FANCA: variants seen among roughly 807,000 people sequenced by gnomAD.
The protein encoded by FANCA is FA complementation group A.
In FANCA, 236 loss-of-function variants were observed where a neutral mutation model predicts 194.3. The ratio of observed to expected loss-of-function variants is 1.21; its 90% CI spans 1.09 to 1.35. The LOEUF (loss-of-function observed/expected upper bound fraction) is 1.35. Among genes scored for constraint, FANCA ranks in the 40% most tolerant of loss-of-function variants. FANCA has a pLI of 0.00. For synonymous variants in FANCA, 1,014 were observed against 715.8 expected (o/e 1.42, Z -6.65); for missense variants, 2,628 against 1,813.9 (o/e 1.45, Z -8.15).
chr16:89,767,008 G>C, intron 27 of FANCA, 133 bp downstream of exon 27: 1 of 773,142 alleles, frequency 1.3e-6, no homozygotes, highest in Non-Finnish European at 2.3e-6. Flanking sequence ...GCTGCCCCAT[G>C]ACAGCCAGCC....
chr16:89,808,389 A>C, intron 5 of FANCA, 22 bp from the exon 6 acceptor site: 1 of 1,609,702 alleles, frequency 6.2e-7, no homozygotes, highest in Non-Finnish European at 8.5e-7. Context: ...AACAAAACAA[A>C]CAAAAACAAA....
In FANCA at chr16:89,814,708, C is replaced by T. The variant is rs749107451; in HGVS notation, c.190-95G>A. ...CTGTAATCCCAGTACTTTGGGAGGC[C>T]GAGATGGGCAGATCACGAGGTCAAG... On this transcript the variant is annotated intron_variant, in intron 2 of 42. Coordinates refer to ENST00000389301, the MANE Select transcript of FANCA (RefSeq NM_000135.4). The T allele has an allele frequency of 5.8e-5, 49 of 851,764 alleles. 1 individual carries two copies. The highest frequency in any genetic ancestry group is 3.0e-4 in the South Asian group (22 of 74,494). The allele number at this position is 851,764 out of a possible 1,614,324, so 52.8% of individuals were successfully genotyped here. A position where few individuals can be genotyped will look rare whatever the true frequency, so the allele number is the denominator to read the frequency against.
intron 12 of FANCA, 47 bp from the exon 13 acceptor site, chr16:89,792,115 T>C: frequency 6.2e-7 from 1 of 1,612,788 alleles, no homozygotes; most frequent in Non-Finnish European, 8.5e-7. Context: ...CAAACCAATG[T>C]GCGACAGATG....
intron 14 of FANCA, chr16:89,791,019 GTGTGTTTT>G (rs1355043840): frequency 2.8e-5 from 7 of 252,318 alleles, no homozygotes; most frequent in South Asian, 1.2e-4. Flanking sequence ...GTGTGTGTGT[GTGTGTTTT>G]TTTTTTTTTT....
Position 89,758,604 on chromosome 16 carries a change from A to C in FANCA, c.2954T>G (p.Val985Gly). 1 of 1,614,032 alleles carries C rather than the reference A, an allele frequency of 6.2e-7. No homozygotes were observed. The highest frequency in any genetic ancestry group is 8.5e-7 in the Non-Finnish European group (1 of 1,179,932). The change falls in exon 30 of 43, where the codon GTC becomes GGC. Residue 985 changes from valine (V) to glycine (G), a missense_variant. Physicochemically the swap from Val to Gly is moderately radical, Grantham distance 109. Coordinates refer to ENST00000389301, the MANE Select transcript of FANCA (RefSeq NM_000135.4). ...GDLQAACTILVNALMDFHQSS... is the reference protein window; with the variant it reads ...GDLQAACTILGNALMDFHQSS... ...TTGGTGGAAATCCATCAGTGCGTTG[A>C]CAAGAATGGTACACGCAGCCTGCAG... is the stretch of plus-strand genomic sequence containing the variant.
At chr16:89,776,277 C>A (rs1201260540) in intron 20 of FANCA, among the ~76,000 whole-genome samples, 2 of 148,806 alleles carry the variant, frequency 1.3e-5, no homozygotes, top group South Asian at 2.1e-4. Context: ...AAGCAATTCT[C>A]CTGCCTCACC....
Position 89,738,708 on chromosome 16 carries a change from G to C in FANCA, c.4261C>G (p.Leu1421Val). The change falls in exon 43 of 43, where the codon CTG becomes GTG. Residue 1421 changes from leucine (L) to valine (V), a missense_variant and splice_region_variant. Transcript: ENST00000389301. Reference sequence around the variant, plus strand: ...TCGCAGTCCCCACGATCAGCCAGCAGCTGTGAGAGAGGAGCAGGTCCTCAG... The same window carrying C: ...TCGCAGTCCCCACGATCAGCCAGCACCTGTGAGAGAGGAGCAGGTCCTCAG... Reference protein sequence around the residue: ...PKKSFSHVAELLADRGDCDPE... With the variant: ...PKKSFSHVAEVLADRGDCDPE... 6.2e-7 allele frequency: 1 copy of C among 1,613,888 alleles called. No individual in the cohort carries two copies. Among genetic ancestry groups the C allele is most frequent in the Non-Finnish European group, 8.5e-7 (1 of 1,179,954 alleles).
intron 23 of FANCA, 31 bp from the exon 24 acceptor site, chr16:89,770,665 G>A (rs2039292546): frequency 6.4e-7 from 1 of 1,572,696 alleles, no homozygotes. Flanking sequence ...TGAGCGTGGT[G>A]TCCTGGGGAC....
At chr16:89,804,606 G>A (rs774958102) in intron 7 of FANCA, among the ~76,000 whole-genome samples, 11 of 152,072 alleles carry the variant, frequency 7.2e-5, no homozygotes, top group African/African-American at 9.7e-5. Context: ...CTGGACTCTG[G>A]TCCAAGCCAT....
At chr16:89,748,942 C>T (rs2071377299) in intron 32 of FANCA, among the ~76,000 whole-genome samples, 175 bp from the exon 33 acceptor site, 1 of 152,316 alleles carries the variant, frequency 6.6e-6, no homozygotes, top group East Asian at 1.9e-4. Context: ...GAGCCCACCT[C>T]CCCTATACTG....
intron 30 of FANCA, among the ~76,000 whole-genome samples, chr16:89,757,316 T>A (rs1047770503): frequency 2.6e-5 from 4 of 151,984 alleles, no homozygotes; most frequent in Non-Finnish European, 5.9e-5. Context: ...AAATGGGAAA[T>A]CTCAGGAGGC....
Position 89,759,318 on chromosome 16 carries a change from T to TAAAAAAAAAAA in FANCA, c.2853-624_2853-614dup, listed in dbSNP as rs71137673. Among the ~76,000 whole-genome samples the TAAAAAAAAAAA allele has an allele frequency of 1.6e-4, 12 of 75,200 alleles. 1 individual carries two copies. The highest frequency in any genetic ancestry group is 3.3e-4 in the East Asian group (1 of 3,040). 49.3% of individuals were successfully genotyped at this position (75,200 alleles called of 152,430 possible). On this transcript the variant is annotated intron_variant, in intron 29 of 42. Transcript: ENST00000389301. ...TTGGGCAACAGAGCGAGACTCCGTC[T>TAAAAAAAAAAA]AAAAAAAAAAAAAAAAAAAAAAAAA...
chr16:89,738,610 A>G lies in FANCA; in HGVS notation c.4359T>C (p.His1453=), dbSNP rs777977318. The G allele has an allele frequency of 3.7e-6, 6 of 1,613,108 alleles. No individual in the cohort carries two copies. In the South Asian group the frequency reaches 5.5e-5, roughly 15 times the overall value. ...GCAGTGGCAGGTCCCGTCAGAAGAGATGAGGCTCCTGGGACAGGTCAGCGT... is the reference window on the plus strand; with the variant it reads ...GCAGTGGCAGGTCCCGTCAGAAGAGGTGAGGCTCCTGGGACAGGTCAGCGT... ...APDADLSQEP[H]LF The change falls in exon 43 of 43, where the codon CAT becomes CAC. Residue 1453 remains histidine, a synonymous_variant. Transcript: ENST00000389301.
chr16:89,770,273 C>A lies in FANCA; in HGVS notation c.2223-14G>T. 6.4e-7 allele frequency: 1 copy of A among 1,561,746 alleles called. No individual in the cohort carries two copies. The highest frequency in any genetic ancestry group is 8.7e-7 in the Non-Finnish European group (1 of 1,151,868). On this transcript the variant is annotated splice_polypyrimidine_tract_variant and intron_variant, in intron 24 of 42. Coordinates refer to ENST00000389301, the MANE Select transcript of FANCA (RefSeq NM_000135.4). The stretch of plus-strand genomic sequence containing the variant: ...CAGGGACCCTGCCTGCAGAGACAGC[C>A]GTGAAACCATCAGTACTAGCCATTC...
chr16:89,770,401 C>G (rs1007576991), intron 24 of FANCA, 142 bp from the exon 25 acceptor site: 12 of 1,023,890 alleles, frequency 1.2e-5, no homozygotes, highest in Non-Finnish European at 1.8e-5. Context: ...AACCCATCTT[C>G]TGCAGTGCTT....
At position 89,739,224 on chromosome 16, in the gene FANCA, T is replaced by A. The variant is rs760589739; in HGVS notation, c.4076A>T (p.Asp1359Val). The change falls in exon 41 of 43, where the codon GAC becomes GTC. Residue 1359 changes from aspartate (D) to valine (V), a missense_variant. Asp to Val is a radical substitution (Grantham distance 152, BLOSUM62 -3). Transcript: ENST00000389301. ...REEAFLHVAV[D>V]MYLKLVQLFV... ...GAGCTGGACCAGCTTCAAGTACATGTCCACAGCAACATGCAGGAAGGCCTC... is the reference window on the plus strand; with the variant it reads ...GAGCTGGACCAGCTTCAAGTACATGACCACAGCAACATGCAGGAAGGCCTC... The A allele has an allele frequency of 6.2e-7, 1 of 1,614,160 alleles. No homozygotes were observed. Among genetic ancestry groups the A allele is most frequent in the Non-Finnish European group, 8.5e-7 (1 of 1,180,034 alleles).
Position 89,806,424 on chromosome 16 carries a change from A to C in FANCA, c.597-1032T>G, listed in dbSNP as rs138098991. Among the ~76,000 whole-genome samples, 226 of 147,716 alleles carry C rather than the reference A, an allele frequency of 1.5e-3. 3 individuals are homozygous for C. In the East Asian group the frequency reaches 0.032, roughly 21 times the overall value. Reference sequence around the variant, plus strand: ...GGGGATTTGGCAGGGTCATAGGACAATGGTGGAGGGAAGGTCAGCAGATAA... The same window carrying C: ...GGGGATTTGGCAGGGTCATAGGACACTGGTGGAGGGAAGGTCAGCAGATAA... On this transcript the variant is annotated intron_variant, in intron 6 of 42. Coordinates refer to ENST00000389301, the MANE Select transcript of FANCA (RefSeq NM_000135.4).
intron 27 of FANCA, 90 bp from the exon 28 acceptor site, chr16:89,765,156 A>G: frequency 1.4e-6 from 2 of 1,416,056 alleles, no homozygotes; most frequent in Non-Finnish European, 9.8e-7. Flanking sequence ...CAGACCATCA[A>G]CAGCCCACAC....
intron 7 of FANCA, among the ~76,000 whole-genome samples, chr16:89,803,622 T>G (rs1223438382): frequency 2.9e-5 from 4 of 138,522 alleles, no homozygotes; most frequent in Middle Eastern, 3.2e-3. Context: ...TCAGATTTTT[T>G]TCTTTTTTTT....
Sources: gnomAD v4.1 joint callset for allele counts (sites outside exome capture counted in the v4.1 genomes callset) on GRCh38, gnomAD v4.1.1 for gene constraint, MANE v1.5 for transcripts, NCBI Gene and HGNC (gene_info 2026-07-23, HGNC 2026-07-21) for gene names.